Variants in SEMA6D observed in about 807,000 individuals in gnomAD.
The protein encoded by SEMA6D is semaphorin-6D.
A neutral mutation model predicts 106.6 loss-of-function variants in SEMA6D; 35 were observed. The observed-to-expected ratio is 0.33, with a 90% CI of 0.25 to 0.44. SEMA6D has a LOEUF of 0.44. Ranked by LOEUF, SEMA6D falls within the 20% of genes least tolerant of loss-of-function variation. SEMA6D has a pLI of 1.00. For synonymous variants in SEMA6D, 499 were observed against 487.7 expected (o/e 1.02, Z -0.31); for missense variants, 1,185 against 1,345.9 (o/e 0.88, Z 1.87).
At chr15:47,429,680 G>A (rs539397810) in intron 2 of SEMA6D, among the ~76,000 whole-genome samples, 193 of 152,244 alleles carry the variant, frequency 1.3e-3, no homozygotes, top group Non-Finnish European at 2.4e-3. Context: ...ATTATATAGT[G>A]TGGTTAAGGC....
intron 1 of SEMA6D, among the ~76,000 whole-genome samples, chr15:47,217,874 T>TACAC (rs150525483): frequency 0.45 from 64,833 of 142,754 alleles, 16,020 homozygotes; most frequent in East Asian, 0.7. Flanking sequence ...TGTACACACA[T>TACAC]ACACACACAC....
At chr15:47,755,561 G>A (rs2081672052) in intron 1 of SEMA6D, among the ~76,000 whole-genome samples, 1 of 152,104 alleles carries the variant, frequency 6.6e-6, no homozygotes, top group South Asian at 2.1e-4. Context: ...CAGCTAGAGT[G>A]GGAGATTATA....
intron 3 of SEMA6D, among the ~76,000 whole-genome samples, chr15:47,548,772 A>G (rs2045598600): frequency 6.6e-6 from 1 of 152,160 alleles, no homozygotes; most frequent in African/African-American, 2.4e-5. Flanking sequence ...TGCACAAAGT[A>G]TGTTTTTGTG....
At chr15:47,466,805 C>T (rs938492229) in intron 2 of SEMA6D, among the ~76,000 whole-genome samples, 4 of 150,932 alleles carry the variant, frequency 2.7e-5, no homozygotes, top group Non-Finnish European at 5.9e-5. Flanking sequence ...CGGCTCACTG[C>T]AACCTCCACC....
intron 1 of SEMA6D, among the ~76,000 whole-genome samples, chr15:47,203,858 T>A (rs1894877768): frequency 1.3e-5 from 2 of 152,260 alleles, no homozygotes; most frequent in South Asian, 4.1e-4. Flanking sequence ...TTATTTAATT[T>A]AAGAGACTGA....
intron 1 of SEMA6D, among the ~76,000 whole-genome samples, chr15:47,321,149 C>T (rs990617958): frequency 3.3e-5 from 5 of 152,106 alleles, no homozygotes; most frequent in Non-Finnish European, 7.4e-5. Context: ...ATATGTACAT[C>T]CCTGGTTTCA....
At chr15:47,359,100 T>C (rs1249800428) in intron 1 of SEMA6D, among the ~76,000 whole-genome samples, 2 of 152,124 alleles carry the variant, frequency 1.3e-5, no homozygotes, top group Non-Finnish European at 2.9e-5. Flanking sequence ...TAGACATGTT[T>C]TAAGGGTGAG....
intron 3 of SEMA6D, among the ~76,000 whole-genome samples, chr15:47,525,964 A>G (rs917110561): frequency 2.0e-5 from 3 of 152,234 alleles, no homozygotes; most frequent in South Asian, 2.1e-4. Context: ...GCCACCCACT[A>G]TAGAAGCTCT....
At chr15:47,770,332 G>C (rs2082562992) in intron 18 of SEMA6D, among the ~76,000 whole-genome samples, 165 bp from the exon 19 acceptor site, 1 of 152,142 alleles carries the variant, frequency 6.6e-6, no homozygotes, top group African/African-American at 2.4e-5. Context: ...GGGGATCCTA[G>C]TTTGATTAAA....
chr15:47,317,411 A>T (rs2036725806), intron 1 of SEMA6D, among the ~76,000 whole-genome samples: 2 of 152,166 alleles, frequency 1.3e-5, no homozygotes, highest in Non-Finnish European at 2.9e-5. Context: ...TAAGAATAAG[A>T]AAAATAATGT....
At chr15:47,254,142 T>C (rs2033666163) in intron 1 of SEMA6D, among the ~76,000 whole-genome samples, 1 of 151,610 alleles carries the variant, frequency 6.6e-6, no homozygotes, top group Admixed American at 6.6e-5. Flanking sequence ...TTTAGGCTAT[T>C]TCATTATTGG....
chr15:47,365,887 A>AG (rs1338899527), intron 1 of SEMA6D, among the ~76,000 whole-genome samples: 67 of 53,162 alleles, frequency 1.3e-3, no homozygotes, highest in African/African-American at 4.5e-3. Flanking sequence ...AGAGAGAGAG[A>AG]GAGGAGAGAG....
At chr15:47,686,326 C>T (rs886663512) in intron 4 of SEMA6D, among the ~76,000 whole-genome samples, 1 of 152,154 alleles carries the variant, frequency 6.6e-6, no homozygotes, top group Non-Finnish European at 1.5e-5. Flanking sequence ...CCCTCTGAAA[C>T]TTTCTTTAAG....
At chr15:47,629,727 G>C (rs2077261738) in intron 4 of SEMA6D, among the ~76,000 whole-genome samples, 1 of 151,562 alleles carries the variant, frequency 6.6e-6, no homozygotes, top group Non-Finnish European at 1.5e-5. Context: ...CCAATCTCTG[G>C]TATCTATTAT....
chr15:47,200,553 G>A (rs11632877), intron 1 of SEMA6D, among the ~76,000 whole-genome samples: 71,352 of 151,986 alleles, frequency 0.47, 19,474 homozygotes, highest in East Asian at 0.83. Flanking sequence ...AATTATTACT[G>A]TTTTATTCTA....
intron 3 of SEMA6D, among the ~76,000 whole-genome samples, chr15:47,575,337 G>A (rs2076137576): frequency 6.6e-6 from 1 of 152,132 alleles, no homozygotes; most frequent in African/African-American, 2.4e-5. Flanking sequence ...GAGACTCAAG[G>A]GTGAGTCATA....
chr15:47,758,161 T>G (rs1051324363), intron 1 of SEMA6D, among the ~76,000 whole-genome samples: 19 of 152,274 alleles, frequency 1.2e-4, no homozygotes, highest in African/African-American at 3.9e-4. Context: ...ACTGCTGCAA[T>G]ATATTATTCT....
intron 3 of SEMA6D, among the ~76,000 whole-genome samples, chr15:47,569,243 T>G (rs548829031): frequency 6.6e-6 from 1 of 152,274 alleles, no homozygotes; most frequent in South Asian, 2.1e-4. Context: ...TAAATGTGAT[T>G]CTGATTCTAC....
intron 1 of SEMA6D, among the ~76,000 whole-genome samples, chr15:47,322,647 C>T (rs1408735841): frequency 6.6e-6 from 1 of 152,068 alleles, no homozygotes; most frequent in Non-Finnish European, 1.5e-5. Flanking sequence ...TGGGTTTCTC[C>T]ACTGTGAAGG....
Sources: allele counts gnomAD v4.1 joint callset (sites outside exome capture counted in the v4.1 genomes callset), GRCh38; gene constraint gnomAD v4.1.1; transcripts MANE v1.5; gene names NCBI Gene and HGNC (gene_info 2026-07-23, HGNC 2026-07-21).